The following CDK5RAP2 variants were observed in gnomAD, a reference collection of about 807,000 sequenced individuals.
The protein encoded by CDK5RAP2 is CDK5 regulatory subunit associated protein 2, also known as CDK5 regulatory subunit-associated protein 2.
CDK5RAP2 carries 147 observed loss-of-function variants against 232.9 expected under a neutral mutation model. The ratio of observed to expected loss-of-function variants is 0.63; its 90% CI spans 0.55 to 0.72. CDK5RAP2 has a LOEUF of 0.72. CDK5RAP2 is among the 30% of genes least tolerant of loss of function. The pLI is 0.00. For missense variants in CDK5RAP2, 2,195 were observed against 2,231.5 expected, an observed-to-expected ratio of 0.98 and a Z score of 0.33; for synonymous variants, 833 against 833.7, an observed-to-expected ratio of 1.00 and a Z score of 0.01.
intron 12 of CDK5RAP2, among the ~76,000 whole-genome samples, chr9:120,503,342 AG>A (rs1252429476): frequency 6.6e-6 from 1 of 152,182 alleles, no homozygotes; most frequent in Non-Finnish European, 1.5e-5. Flanking sequence ...AAATGACCAT[AG>A]GGGGAGGGCA....
At chr9:120,471,019 T>C (rs1443879140) in intron 16 of CDK5RAP2, among the ~76,000 whole-genome samples, 1 of 152,224 alleles carries the variant, frequency 6.6e-6, no homozygotes, top group East Asian at 1.9e-4. Context: ...ATGAACTTAA[T>C]ACTTACTCTA....
chr9:120,437,524 G>GT lies in CDK5RAP2; in HGVS notation c.3725dup (p.Tyr1242Ter), dbSNP rs774902809. Residue 1242 changes from tyrosine (Y) to a stop codon, truncating the protein, a stop_gained and frameshift_variant, in exon 25 of 38, where the codon TAC becomes TAAC. Transcript: ENST00000349780. LOFTEE classifies it high-confidence loss of function. ...TGGCTTGGGACTGAACTAATGAATC[G>GT]TATCTGATAAAAGAGGGGAAAGAAA... Reference protein sequence around the residue: ...NKFRDLSPPRYDSLVQSQARE... With the variant: ...NKFRDLSPPR The GT allele has an allele frequency of 6.2e-7, 1 of 1,608,580 alleles. No homozygotes were observed. The highest frequency in any genetic ancestry group is 8.5e-7 in the Non-Finnish European group (1 of 1,174,942).
intron 28 of CDK5RAP2, among the ~76,000 whole-genome samples, chr9:120,413,553 G>C (rs571014119): frequency 2.0e-5 from 3 of 152,140 alleles, no homozygotes; most frequent in African/African-American, 2.4e-5. Flanking sequence ...AAACCTTCCC[G>C]TCAGAGTGAA....
rs114116533 is a variant in CDK5RAP2 at position 120,579,360 on chromosome 9, T to C, written c.59+560A>G. 6.1e-3 allele frequency among the ~76,000 whole-genome samples: 936 copies of C among 152,310 alleles called. 8 individuals are homozygous for C. The highest frequency in any genetic ancestry group is 0.021 in the African/African-American group (886 of 41,564). The stretch of plus-strand genomic sequence containing the variant: ...GGATATTACTAGCCCATTTTACAGA[T>C]GGGAAAGCCGGTGAAATCACTTTAC... On this transcript the variant is annotated intron_variant, in intron 1 of 37. Transcript: ENST00000349780.
intron 31 of CDK5RAP2, chr9:120,407,981 T>C: frequency 3.1e-6 from 1 of 318,684 alleles, no homozygotes; most frequent in South Asian, 2.9e-5. Flanking sequence ...CTAGGATGCT[T>C]TTAATAAATG....
At chr9:120,487,218 A>C in intron 14 of CDK5RAP2, 76 bp downstream of exon 14, 1 of 1,498,660 alleles carries the variant, frequency 6.7e-7, no homozygotes, top group Non-Finnish European at 9.3e-7. Flanking sequence ...CTCTAGATCA[A>C]AGGAGTTATC....
chr9:120,446,861 T>A (rs2036220869), intron 22 of CDK5RAP2, among the ~76,000 whole-genome samples: 1 of 152,160 alleles, frequency 6.6e-6, no homozygotes, highest in African/African-American at 2.4e-5. Context: ...CTAGCATTCA[T>A]GACATAAGCA....
chr9:120,553,345 T>C (rs1004261150), intron 3 of CDK5RAP2, among the ~76,000 whole-genome samples: 4 of 152,232 alleles, frequency 2.6e-5, no homozygotes, highest in Non-Finnish European at 5.9e-5. Context: ...AGAACAGATA[T>C]TAGCCTACAC....
At chr9:120,458,675 G>T (rs2036920420) in intron 19 of CDK5RAP2, 53 bp from the exon 20 acceptor site, 1 of 1,539,878 alleles carries the variant, frequency 6.5e-7, no homozygotes, top group Non-Finnish European at 9.0e-7. Flanking sequence ...AGGGAATGGG[G>T]TGTGTGGAGA....
chr9:120,539,835 A>C, intron 5 of CDK5RAP2, among the ~76,000 whole-genome samples: 1 of 152,224 alleles, frequency 6.6e-6, no homozygotes, highest in East Asian at 1.9e-4. Context: ...CAAATTTCTC[A>C]GCAAGGGGCT....
At chr9:120,488,410 T>A (rs2038723705) in intron 13 of CDK5RAP2, among the ~76,000 whole-genome samples, 1 of 152,228 alleles carries the variant, frequency 6.6e-6, no homozygotes, top group African/African-American at 2.4e-5. Context: ...AAAGTCCAAT[T>A]ATAGATATAC....
At chr9:120,476,326 C>T (rs768581820) in intron 15 of CDK5RAP2, among the ~76,000 whole-genome samples, 10 of 152,096 alleles carry the variant, frequency 6.6e-5, no homozygotes, top group Non-Finnish European at 1.5e-4. Context: ...TTCCCACCCA[C>T]GTCCTCAGCT....
At chr9:120,507,699 GA>G (rs1242592349) in intron 12 of CDK5RAP2, among the ~76,000 whole-genome samples, 5 of 150,606 alleles carry the variant, frequency 3.3e-5, no homozygotes, top group Admixed American at 2.6e-4. Context: ...GTTTACACAG[GA>G]AAAAAAAGAA....
intron 35 of CDK5RAP2, among the ~76,000 whole-genome samples, chr9:120,398,331 C>A (rs1382653238): frequency 6.6e-6 from 1 of 152,078 alleles, no homozygotes; most frequent in Non-Finnish European, 1.5e-5. Flanking sequence ...TTTGCTTTAT[C>A]TTATAATAGA....
chr9:120,445,227 T>C (rs1410605378), intron 22 of CDK5RAP2, among the ~76,000 whole-genome samples: 2 of 152,234 alleles, frequency 1.3e-5, no homozygotes, highest in Non-Finnish European at 2.9e-5. Context: ...GGGCCCAAAG[T>C]GTGTAAGTGT....
At chr9:120,410,574 T>G (rs771851904) in intron 29 of CDK5RAP2, among the ~76,000 whole-genome samples, 3 of 152,198 alleles carry the variant, frequency 2.0e-5, no homozygotes, top group Non-Finnish European at 2.9e-5. Context: ...AGGGAAGGGA[T>G]GAAATCTCAT....
chr9:120,397,032 AG>A (rs1413763626), intron 35 of CDK5RAP2, among the ~76,000 whole-genome samples: 1 of 152,196 alleles, frequency 6.6e-6, no homozygotes, highest in East Asian at 1.9e-4. Flanking sequence ...GCTGGGTGTA[AG>A]CAGCATGCCC....
intron 13 of CDK5RAP2, among the ~76,000 whole-genome samples, chr9:120,489,940 T>A (rs2038811999): frequency 6.6e-6 from 1 of 152,064 alleles, no homozygotes; most frequent in Non-Finnish European, 1.5e-5. Context: ...CCCGAGTAGC[T>A]GGGATTACAG....
At chr9:120,424,787 C>G (rs572337589) in intron 25 of CDK5RAP2, among the ~76,000 whole-genome samples, 2 of 151,718 alleles carry the variant, frequency 1.3e-5, no homozygotes, top group African/African-American at 4.8e-5. Flanking sequence ...GCAACCTCTG[C>G]CTCCTGGGTT....
Sources: allele counts gnomAD v4.1 joint callset (sites outside exome capture counted in the v4.1 genomes callset), GRCh38; gene constraint gnomAD v4.1.1; transcripts MANE v1.5; gene names NCBI Gene and HGNC (gene_info 2026-07-23, HGNC 2026-07-21).